The following ZNF469 variants were observed in gnomAD, a reference collection of about 807,000 sequenced individuals.
ZNF469 encodes zinc finger protein 469.
Under a neutral mutation model 1.0 loss-of-function variants are expected in ZNF469, and 1 was observed. The ratio of observed to expected loss-of-function variants is 1.00; its 90% CI spans 0.35 to 4.73. The LOEUF is 4.73. ZNF469 is among the 30% of genes most tolerant of loss of function. The probability of loss-of-function intolerance (pLI) is 0.16; values close to 1 mark genes in which losing one functional copy is unlikely to be tolerated. For missense variants in ZNF469, 6,100 were observed against 5,356.3 expected, an observed-to-expected ratio of 1.14 and a Z score of -4.33; for synonymous variants, 2,703 against 2,363.4, an observed-to-expected ratio of 1.14 and a Z score of -4.17.
chr16:88,254,138 G>C, the ZNF469 span, among the ~76,000 whole-genome samples: 5,160 of 152,128 alleles, frequency 0.034, 287 homozygotes, highest in African/African-American at 0.12. Flanking sequence ...AAACATTACT[G>C]CTCTAGGTTC....
At chr16:88,166,967 G>A in the ZNF469 span, among the ~76,000 whole-genome samples, 1 of 151,874 alleles carries the variant, frequency 6.6e-6, no homozygotes. This position sits in a 1 kb window ranked among gnomAD's most constrained non-coding sequence, Gnocchi z 4.5. Context: ...CGGTGTGCAG[G>A]TGCCGGCAGG....
intron 1 of ZNF469, among the ~76,000 whole-genome samples, chr16:88,397,008 CCCT>C (rs1904701460): frequency 6.6e-6 from 1 of 151,672 alleles, no homozygotes; most frequent in African/African-American, 2.4e-5. Flanking sequence ...CGGGAGGAGA[CCCT>C]CCTGAAGGGA....
chr16:88,121,559 C>T, the ZNF469 span, among the ~76,000 whole-genome samples: 3 of 152,192 alleles, frequency 2.0e-5, no homozygotes, highest in Non-Finnish European at 4.4e-5. Flanking sequence ...GTCACAACCC[C>T]GGCTCACAGG....
the ZNF469 span, among the ~76,000 whole-genome samples, chr16:88,130,273 C>T: frequency 2.6e-5 from 4 of 152,162 alleles, no homozygotes; most frequent in Admixed American, 6.5e-5. Context: ...AGAGAGGTCT[C>T]GCTGTATGCT....
chr16:88,137,033 C>T, the ZNF469 span, among the ~76,000 whole-genome samples: 116 of 152,302 alleles, frequency 7.6e-4, 3 homozygotes, highest in East Asian at 0.015. Flanking sequence ...TGCATACAAC[C>T]ATGTGTGCAT....
At chr16:88,141,810 A>T in the ZNF469 span, among the ~76,000 whole-genome samples, 1 of 152,234 alleles carries the variant, frequency 6.6e-6, no homozygotes, top group South Asian at 2.1e-4. Context: ...CCAGGAACAC[A>T]GAAGCCTCTG....
the ZNF469 span, among the ~76,000 whole-genome samples, chr16:88,195,383 C>T: frequency 2.8e-4 from 43 of 152,226 alleles, no homozygotes; most frequent in African/African-American, 7.7e-4. Context: ...TCGTGGGCCC[C>T]GCTGGGTGGT....
the ZNF469 span, among the ~76,000 whole-genome samples, chr16:88,153,900 GC>G: frequency 1.6e-4 from 25 of 152,308 alleles, no homozygotes; most frequent in African/African-American, 5.8e-4. Flanking sequence ...GGGGGCACCG[GC>G]CCCAGTGGAT....
At chr16:88,130,364 G>A in the ZNF469 span, among the ~76,000 whole-genome samples, 10 of 152,082 alleles carry the variant, frequency 6.6e-5, no homozygotes, top group South Asian at 4.1e-4. Context: ...AAACCACCAC[G>A]CAGGCAGAAT....
chr16:88,341,423 G>A, the ZNF469 span, among the ~76,000 whole-genome samples: 1 of 152,146 alleles, frequency 6.6e-6, no homozygotes, highest in Admixed American at 6.5e-5. Context: ...AGGCAGGGCC[G>A]GCCACTGTTG....
At chr16:88,315,902 C>T in the ZNF469 span, among the ~76,000 whole-genome samples, 44 of 152,320 alleles carry the variant, frequency 2.9e-4, no homozygotes, top group African/African-American at 1.1e-3. Context: ...GGGCCTCGCC[C>T]GCCCAGGCTG....
chr16:88,353,539 G>A, the ZNF469 span, among the ~76,000 whole-genome samples: 366 of 152,278 alleles, frequency 2.4e-3, 3 homozygotes, highest in African/African-American at 8.1e-3. Flanking sequence ...AGCCTCTCGC[G>A]GCTCACTGCT....
chr16:88,122,581 G>A, the ZNF469 span, among the ~76,000 whole-genome samples: 15,611 of 152,196 alleles, frequency 0.1, 1,319 homozygotes, highest in African/African-American at 0.22. Context: ...CTACGGCCAC[G>A]GCAGCCACTT....
chr16:88,143,480 C>T, the ZNF469 span, among the ~76,000 whole-genome samples: 5 of 151,992 alleles, frequency 3.3e-5, no homozygotes, highest in Admixed American at 6.5e-5. Flanking sequence ...CCCCCTAAGA[C>T]GCAACCACCA....
the ZNF469 span, among the ~76,000 whole-genome samples, chr16:88,244,683 G>C: frequency 7.5e-6 from 1 of 132,662 alleles, no homozygotes; most frequent in South Asian, 2.6e-4. Flanking sequence ...GTGGGTAAAT[G>C]GGTTTATGGA....
At chr16:88,267,888 G>A in the ZNF469 span, among the ~76,000 whole-genome samples, 1 of 152,104 alleles carries the variant, frequency 6.6e-6, no homozygotes, top group Non-Finnish European at 1.5e-5. Context: ...TGAGTAAGCC[G>A]ACCTTTCACC....
At chr16:88,339,879 CA>C in the ZNF469 span, among the ~76,000 whole-genome samples, 1 of 109,422 alleles carries the variant, frequency 9.1e-6, no homozygotes, top group Admixed American at 8.1e-5. Context: ...GACAGAGTGG[CA>C]GGGGGCCTGG....
chr16:88,372,240 C>T, the ZNF469 span, among the ~76,000 whole-genome samples: 1 of 152,064 alleles, frequency 6.6e-6, no homozygotes, highest in Non-Finnish European at 1.5e-5. Context: ...TCACCATCAC[C>T]ATCACCATCA....
the ZNF469 span, among the ~76,000 whole-genome samples, chr16:88,128,569 C>T: frequency 2.2e-4 from 34 of 152,344 alleles, no homozygotes; most frequent in Admixed American, 2.2e-3. Flanking sequence ...GGTGTGGGCA[C>T]TCCCTTTGTG....
Sources: allele counts gnomAD v4.1 joint callset (sites outside exome capture counted in the v4.1 genomes callset), GRCh38; gene constraint gnomAD v4.1.1; non-coding constraint Gnocchi (gnomAD v3.1); transcripts MANE v1.5; gene names NCBI Gene and HGNC (gene_info 2026-07-23, HGNC 2026-07-21).